ANKS1B: variants seen among roughly 807,000 people sequenced by gnomAD.
The protein encoded by ANKS1B is ankyrin repeat and sterile alpha motif domain-containing protein 1B.
ANKS1B carries 36 observed loss-of-function variants against 148.3 expected under a neutral mutation model. That is an observed-to-expected ratio of 0.24 (90% CI 0.19 to 0.32). The LOEUF (loss-of-function observed/expected upper bound fraction) is 0.32. Ranked by LOEUF, ANKS1B falls within the 10% of genes least tolerant of loss-of-function variation. The pLI, the probability that ANKS1B is intolerant of heterozygous loss-of-function variation, is 1.00. For missense variants in ANKS1B, 1,157 were observed against 1,542.6 expected (o/e 0.75, Z 4.19); for synonymous variants, 542 against 560.8 (o/e 0.97, Z 0.47).
intron 8 of ANKS1B, among the ~76,000 whole-genome samples, chr12:99,677,826 A>G (rs527538926): frequency 9.9e-5 from 15 of 152,054 alleles, no homozygotes; most frequent in African/African-American, 3.6e-4. Flanking sequence ...ACAAAAAATT[A>G]GCCGGGCGTG....
intron 1 of ANKS1B, among the ~76,000 whole-genome samples, chr12:99,855,661 C>A (rs1021192808): frequency 3.9e-5 from 6 of 152,014 alleles, no homozygotes; most frequent in African/African-American, 1.4e-4. Flanking sequence ...ATATGATAGA[C>A]CACAAAACAA....
rs971171955 is a variant in ANKS1B, at chr12:99,814,891, A to T, written c.216-2580T>A. Reference sequence around the variant, plus strand: ...TGCTTTTTAAATAAAATATTTCAGCATTTAAAAGGCAAAATAATAGCAAAA... The same window carrying T: ...TGCTTTTTAAATAAAATATTTCAGCTTTTAAAAGGCAAAATAATAGCAAAA... On this transcript the variant is annotated intron_variant, in intron 2 of 26. Coordinates refer to ENST00000683438, the MANE Select transcript of ANKS1B (RefSeq NM_001352186.2). 4.0e-5 allele frequency among the ~76,000 whole-genome samples: 6 copies of T among 151,826 alleles called. No homozygotes were observed. The East Asian group carries it at 1.2e-3, about 29-fold the overall frequency.
intron 11 of ANKS1B, among the ~76,000 whole-genome samples, chr12:99,413,491 G>T (rs963377113): frequency 2.0e-5 from 3 of 152,072 alleles, no homozygotes; most frequent in Admixed American, 6.5e-5. Flanking sequence ...TCTATTGGTA[G>T]CATTGATTTT....
chr12:99,224,895 C>A (rs979301688), intron 14 of ANKS1B, among the ~76,000 whole-genome samples: 3 of 152,122 alleles, frequency 2.0e-5, no homozygotes, highest in African/African-American at 7.2e-5. Flanking sequence ...ATTACTGTTA[C>A]ATAAAAATTT....
intron 15 of ANKS1B, among the ~76,000 whole-genome samples, chr12:99,131,790 GC>G (rs1366520756): frequency 1.3e-5 from 2 of 152,136 alleles, no homozygotes; most frequent in African/African-American, 4.8e-5. Flanking sequence ...ATTACAAGCA[GC>G]CTGGGAACCG....
rs60935160 is a variant in ANKS1B at position 99,592,480 on chromosome 12, GA to G, written c.1272+62586del. 3.7e-3 allele frequency among the ~76,000 whole-genome samples: 485 copies of G among 130,418 alleles called. 4 individuals carry two copies. The highest frequency in any genetic ancestry group is 8.7e-3 in the African/African-American group (302 of 34,618). The allele number at this position is 130,418 out of a possible 152,430, so 85.6% of individuals were successfully genotyped here. A position where few individuals can be genotyped will look rare whatever the true frequency, so the allele number is the denominator to read the frequency against. ...TAGTGGCTTACTAGAGATTGGAAAT[GA>G]AAAAAAAAAAAGGTGAAAAGAATTT... On this transcript the variant is annotated intron_variant, in intron 9 of 26. Coordinates refer to ENST00000683438, the MANE Select transcript of ANKS1B (RefSeq NM_001352186.2).
chr12:99,825,414 G>C, intron 1 of ANKS1B, 25 bp from the exon 2 acceptor site: 1 of 1,589,400 alleles, frequency 6.3e-7, no homozygotes, highest in South Asian at 1.1e-5. Flanking sequence ...CAAGCGCAGA[G>C]TTAACAGTGA....
intron 17 of ANKS1B, among the ~76,000 whole-genome samples, chr12:98,857,091 G>T (rs1165756688): frequency 6.6e-6 from 1 of 152,106 alleles, no homozygotes; most frequent in Non-Finnish European, 1.5e-5. Flanking sequence ...TAGTCACAGG[G>T]GAAGCACACA....
intron 14 of ANKS1B, among the ~76,000 whole-genome samples, chr12:99,212,428 A>G (rs886521154): frequency 4.0e-5 from 6 of 151,258 alleles, no homozygotes; most frequent in Admixed American, 2.6e-4. Flanking sequence ...CTTTCCCCCT[A>G]TGCAAACATA....
rs2088787723 is a variant in ANKS1B at position 99,855,164 on chromosome 12, T to C, written c.135-29775A>G. Among the ~76,000 whole-genome samples, 3 of 152,118 alleles carry C rather than the reference T, an allele frequency of 2.0e-5. No individual in the cohort carries two copies. In the South Asian group the frequency reaches 6.2e-4, roughly 31 times the overall value. On this transcript the variant is annotated intron_variant, in intron 1 of 26. Transcript: ENST00000683438. ...ATCTGCTGTCTTCAAGAGACTCACCTGACACATAAGGACTCACATAAACTT... is the reference window on the plus strand; with the variant it reads ...ATCTGCTGTCTTCAAGAGACTCACCCGACACATAAGGACTCACATAAACTT...
chr12:99,616,670 C>T (rs921389861), intron 9 of ANKS1B, among the ~76,000 whole-genome samples: 2 of 152,056 alleles, frequency 1.3e-5, no homozygotes, highest in African/African-American at 4.8e-5. Flanking sequence ...AAATGTAAAA[C>T]CTAAAACCAT....
At chr12:99,027,360 A>G (rs1475616198) in intron 17 of ANKS1B, among the ~76,000 whole-genome samples, 2 of 152,198 alleles carry the variant, frequency 1.3e-5, no homozygotes, top group Admixed American at 1.3e-4. Flanking sequence ...TTGCTAATTC[A>G]CTGTGTTGGA....
At chr12:99,891,418 C>A (rs2093102052) in intron 1 of ANKS1B, among the ~76,000 whole-genome samples, 2 of 151,954 alleles carry the variant, frequency 1.3e-5, no homozygotes, top group African/African-American at 4.8e-5. Context: ...CAGAGTCTTG[C>A]TATGTTGCCC....
intron 26 of ANKS1B, 142 bp from the exon 27 acceptor site, chr12:98,745,991 G>A (rs2097879090): frequency 9.7e-6 from 8 of 824,284 alleles, no homozygotes; most frequent in African/African-American, 1.8e-5. Flanking sequence ...TCGCGGGCTC[G>A]CTCTTTGGAC....
intron 10 of ANKS1B, among the ~76,000 whole-genome samples, chr12:99,470,129 A>G (rs921065799): frequency 2.0e-5 from 3 of 151,610 alleles, no homozygotes; most frequent in Non-Finnish European, 4.4e-5. Flanking sequence ...AATAATAATA[A>G]TAATAATAAT....
intron 1 of ANKS1B, among the ~76,000 whole-genome samples, chr12:99,894,549 T>G (rs1490350736): frequency 6.7e-6 from 1 of 150,062 alleles, no homozygotes; most frequent in African/African-American, 2.4e-5. Context: ...AAATCGTGCT[T>G]GATTTACCAT....
chr12:98,747,391 A>G (rs2097918570), intron 26 of ANKS1B, among the ~76,000 whole-genome samples: 2 of 152,216 alleles, frequency 1.3e-5, no homozygotes, highest in South Asian at 4.1e-4. Context: ...AATGACAATC[A>G]CAATGTGATA....
chr12:99,244,226 A>G (rs2089898769), intron 14 of ANKS1B, 116 bp downstream of exon 14: 2 of 680,198 alleles, frequency 2.9e-6, no homozygotes, highest in African/African-American at 3.7e-5. Context: ...GTGGAAGGAA[A>G]TAATTTGTAG....
At position 99,482,815 on chromosome 12, in the gene ANKS1B, A is replaced by G. The variant is rs757430704; in HGVS notation, c.1438+21661T>C. The stretch of plus-strand genomic sequence containing the variant: ...TATTGATTTGATTCTCAGTGTGATC[A>G]TTGTTGGTGTATAGCAGTGCTATGG... On this transcript the variant is annotated intron_variant, in intron 10 of 26. Coordinates refer to ENST00000683438, the MANE Select transcript of ANKS1B (RefSeq NM_001352186.2). Among the ~76,000 whole-genome samples the G allele has an allele frequency of 9.9e-5, 15 of 151,982 alleles. 1 individual carries two copies. The South Asian group carries it at 2.1e-3, about 21-fold the overall frequency.
Sources: gnomAD v4.1 joint callset for allele counts (sites outside exome capture counted in the v4.1 genomes callset) on GRCh38, gnomAD v4.1.1 for gene constraint, MANE v1.5 for transcripts, NCBI Gene and HGNC (gene_info 2026-07-23, HGNC 2026-07-21) for gene names.